PHTF2: variants seen among roughly 807,000 people sequenced by gnomAD.
PHTF2 encodes putative homeodomain transcription factor 2.
PHTF2 carries 60 observed loss-of-function variants against 101.2 expected under a neutral mutation model. The ratio of observed to expected loss-of-function variants is 0.59; its 90% CI spans 0.48 to 0.73. The LOEUF (loss-of-function observed/expected upper bound fraction) is 0.73. Among genes scored for constraint, PHTF2 ranks in the 30% least tolerant of loss-of-function variants. PHTF2 has a pLI of 0.00. For missense variants in PHTF2, 747 were observed against 908.7 expected (o/e 0.82, Z 2.29); for synonymous variants, 311 against 307.3 (o/e 1.01, Z -0.13).
intron 1 of PHTF2, among the ~76,000 whole-genome samples, chr7:77,817,368 A>G (rs1793931016): frequency 6.6e-6 from 1 of 152,160 alleles, no homozygotes; most frequent in South Asian, 2.1e-4. Flanking sequence ...GAGCCTGGGT[A>G]ATTTATAAAG....
At chr7:77,887,366 T>TC (rs145125723) in intron 3 of PHTF2, among the ~76,000 whole-genome samples, 3 of 152,114 alleles carry the variant, frequency 2.0e-5, no homozygotes, top group African/African-American at 7.2e-5. Flanking sequence ...TTTTTTTTTT[T>TC]CCTTTTGACT....
At chr7:77,907,170 C>G (rs1013988539) in intron 7 of PHTF2, among the ~76,000 whole-genome samples, 1 of 152,118 alleles carries the variant, frequency 6.6e-6, no homozygotes, top group African/African-American at 2.4e-5. Flanking sequence ...AAAAAAGACT[C>G]TCTGCTTTTC....
intron 1 of PHTF2, among the ~76,000 whole-genome samples, chr7:77,799,600 A>C: frequency 6.6e-6 from 1 of 152,236 alleles, no homozygotes; most frequent in East Asian, 1.9e-4. Flanking sequence ...GTGCTCCATC[A>C]GCATGCTTCA....
At chr7:77,948,426 G>C (rs1194216465) in intron 16 of PHTF2, among the ~76,000 whole-genome samples, 1 of 151,290 alleles carries the variant, frequency 6.6e-6, no homozygotes, top group Middle Eastern at 3.2e-3. Context: ...GTGGATTAAA[G>C]ATCTAAATAT....
At chr7:77,914,928 T>G (rs1802762363) in intron 9 of PHTF2, among the ~76,000 whole-genome samples, 1 of 152,164 alleles carries the variant, frequency 6.6e-6, no homozygotes, top group Non-Finnish European at 1.5e-5. Context: ...TTTTTTGGGG[T>G]GGAGGATGGA....
chr7:77,862,520 G>T (rs549926043), intron 3 of PHTF2, among the ~76,000 whole-genome samples: 1 of 152,126 alleles, frequency 6.6e-6, no homozygotes, highest in Non-Finnish European at 1.5e-5. Flanking sequence ...GCCAGATACA[G>T]CACCTAAAAA....
intron 5 of PHTF2, among the ~76,000 whole-genome samples, chr7:77,898,178 G>C (rs1291389459): frequency 2.0e-5 from 3 of 152,080 alleles, no homozygotes; most frequent in Non-Finnish European, 4.4e-5. Flanking sequence ...TTGAAAAACA[G>C]TAGTTGCACA....
chr7:77,815,213 G>T (rs577759894), intron 1 of PHTF2, among the ~76,000 whole-genome samples: 1 of 152,226 alleles, frequency 6.6e-6, no homozygotes, highest in Admixed American at 6.5e-5. Context: ...ATCTTGTTCA[G>T]CCTTTGCTGG....
chr7:77,834,814 T>A (rs1306080509), intron 1 of PHTF2, among the ~76,000 whole-genome samples: 1 of 152,210 alleles, frequency 6.6e-6, no homozygotes, highest in Non-Finnish European at 1.5e-5. Context: ...GTGTACTGAG[T>A]ACTTAGAGAC....
chr7:77,912,402 A>G (rs910725092), intron 9 of PHTF2, among the ~76,000 whole-genome samples: 1 of 152,142 alleles, frequency 6.6e-6, no homozygotes, highest in Non-Finnish European at 1.5e-5. Flanking sequence ...TCTTGATGAT[A>G]TTTTCTTCTT....
intron 9 of PHTF2, among the ~76,000 whole-genome samples, chr7:77,914,463 ATGATGGTTCAC>A (rs1161483860): frequency 6.6e-6 from 1 of 152,178 alleles, no homozygotes; most frequent in African/African-American, 2.4e-5. Context: ...CGGCAACCTT[ATGATGGTTCAC>A]TGACTGGCTG....
intron 7 of PHTF2, among the ~76,000 whole-genome samples, chr7:77,906,934 T>TAAA (rs10694050): frequency 0.033 from 3,943 of 118,726 alleles, 174 homozygotes; most frequent in African/African-American, 0.097. Flanking sequence ...TAATGGTAGC[T>TAAA]AAAAAAAAAA....
intron 3 of PHTF2, among the ~76,000 whole-genome samples, chr7:77,879,262 A>T (rs894209794): frequency 6.6e-6 from 1 of 152,206 alleles, no homozygotes; most frequent in African/African-American, 2.4e-5. Flanking sequence ...TCATAGTGTT[A>T]CTAGCATTGA....
intron 3 of PHTF2, among the ~76,000 whole-genome samples, chr7:77,858,588 T>G (rs1010037449): frequency 2.0e-5 from 3 of 152,096 alleles, no homozygotes; most frequent in Admixed American, 6.5e-5. Context: ...GAGAGGTTTT[T>G]TTTGTTTGTT....
At chr7:77,926,887 A>G (rs1437924992) in intron 11 of PHTF2, among the ~76,000 whole-genome samples, 5 of 147,556 alleles carry the variant, frequency 3.4e-5, no homozygotes, top group African/African-American at 1.3e-4. Context: ...GGCCAGGGCC[A>G]TGGCTCACCC....
intron 16 of PHTF2, among the ~76,000 whole-genome samples, chr7:77,944,122 A>G (rs1805858330): frequency 6.6e-6 from 1 of 152,254 alleles, no homozygotes. Flanking sequence ...AATGAAGACA[A>G]AACTGAAAAC....
At chr7:77,850,641 C>CA (rs545263519) in intron 2 of PHTF2, among the ~76,000 whole-genome samples, 4,168 of 52,274 alleles carry the variant, frequency 0.08, 209 homozygotes, top group African/African-American at 0.2. Flanking sequence ...GACCCTGTCT[C>CA]AAAAAAAAAA....
chr7:77,818,407 T>G lies in PHTF2; in HGVS notation c.-36+19436T>G, dbSNP rs540833506. On this transcript the variant is annotated intron_variant, in intron 1 of 19. Coordinates refer to ENST00000416283, the Ensembl canonical transcript of PHTF2. The stretch of plus-strand genomic sequence containing the variant: ...TAGTTCTGGGTTTTACATTTAGGTC[T>G]TTGATTCATTTTGGGGTTGATTTTT... Among the ~76,000 whole-genome samples the G allele has an allele frequency of 2.0e-5, 3 of 152,352 alleles. No individual in the cohort carries two copies. The East Asian group carries it at 5.8e-4, about 29-fold the overall frequency.
At chr7:77,923,624 C>G (rs760870227) in intron 11 of PHTF2, 305 of 983,862 alleles carry the variant, frequency 3.1e-4, no homozygotes, top group Non-Finnish European at 3.5e-4. Flanking sequence ...GACACTAATG[C>G]CAGTGTGTCT....
Sources: gnomAD v4.1 joint callset for allele counts (sites outside exome capture counted in the v4.1 genomes callset) on GRCh38, gnomAD v4.1.1 for gene constraint, MANE v1.5 for transcripts, NCBI Gene and HGNC (gene_info 2026-07-23, HGNC 2026-07-21) for gene names.